Variants in LAIR2 observed in about 807,000 individuals in gnomAD.
The protein encoded by LAIR2 is leukocyte-associated immunoglobulin-like receptor 2.
In LAIR2, 14 loss-of-function variants were observed where a neutral mutation model predicts 14.8. The observed-to-expected ratio is 0.95, with a 90% CI of 0.62 to 1.48. The LOEUF is 1.48. Among genes scored for constraint, LAIR2 ranks in the 40% most tolerant of loss-of-function variants. The probability of loss-of-function intolerance (pLI) is 0.00; values close to 1 mark genes in which losing one functional copy is unlikely to be tolerated. For missense variants in LAIR2, 172 were observed against 180.9 expected, an observed-to-expected ratio of 0.95 and a Z score of 0.28; for synonymous variants, 75 against 74.5, an observed-to-expected ratio of 1.01 and a Z score of -0.03.
intron 2 of LAIR2, among the ~76,000 whole-genome samples, chr19:54,507,118 G>A (rs1402263170): frequency 1.3e-5 from 2 of 151,078 alleles, no homozygotes; most frequent in Non-Finnish European, 1.5e-5. Flanking sequence ...TCTCTGCCCC[G>A]CTCAGGGATT....
Position 54,504,624 on chromosome 19 carries a change from T to C in LAIR2, c.70+889T>C, listed in dbSNP as rs544454369. On this transcript the variant is annotated intron_variant, in intron 2 of 4. Transcript: ENST00000301202. ...ATGACCTTTTTTGTTTGTTTGTTTG[T>C]TTTGGGATGGAGTCTCACTCTGTCA... Among the ~76,000 whole-genome samples the C allele has an allele frequency of 2.0e-5, 3 of 152,248 alleles. No individual in the cohort carries two copies. In the East Asian group the frequency reaches 5.8e-4, roughly 29 times the overall value.
intron 2 of LAIR2, among the ~76,000 whole-genome samples, chr19:54,507,175 C>A (rs1195896019): frequency 5.3e-5 from 8 of 151,150 alleles, no homozygotes; most frequent in East Asian, 1.9e-4. Flanking sequence ...TCAAACCCGC[C>A]CTTCCTCCTC....
chr19:54,504,519 T>C (rs868001082), intron 2 of LAIR2, among the ~76,000 whole-genome samples: 1 of 152,166 alleles, frequency 6.6e-6, no homozygotes, highest in Non-Finnish European at 1.5e-5. Flanking sequence ...ACCGAAACTT[T>C]GTACCATTTG....
intron 2 of LAIR2, 43 bp downstream of exon 2, chr19:54,503,778 C>G: frequency 6.2e-7 from 1 of 1,613,792 alleles, no homozygotes; most frequent in Non-Finnish European, 8.5e-7. Flanking sequence ...CCCTCTGTCA[C>G]CCCAAAGGCA....
At chr19:54,504,673 A>C (rs756595455) in intron 2 of LAIR2, among the ~76,000 whole-genome samples, 11 of 151,968 alleles carry the variant, frequency 7.2e-5, no homozygotes, top group Non-Finnish European at 1.6e-4. Flanking sequence ...GCAATGGCAC[A>C]ATCTCGGTTC....
In LAIR2 at chr19:54,503,732, G is replaced by A. The variant is rs1202609800; in HGVS notation, c.67G>A (p.Glu23Lys). The A allele has an allele frequency of 1.2e-6, 2 of 1,613,930 alleles. No homozygotes were observed. The highest frequency in any genetic ancestry group is 1.7e-6 in the Non-Finnish European group (2 of 1,180,026). The change falls in exon 2 of 5, where the codon GAG becomes AAG. Residue 23 changes from glutamate (E) to lysine (K), a missense_variant. Transcript: ENST00000301202. ...LCLAQTIHTQEGALPRPSISA... is the reference protein window; with the variant it reads ...LCLAQTIHTQKGALPRPSISA... Reference sequence around the variant, plus strand: ...CCTGGCCCAGACCATCCACACGCAGGAGGGTAAGTCATGCCTTCGTCCCGT... The same window carrying A: ...CCTGGCCCAGACCATCCACACGCAGAAGGGTAAGTCATGCCTTCGTCCCGT...
chr19:54,506,600 C>T (rs1332356493), intron 2 of LAIR2, among the ~76,000 whole-genome samples: 3 of 152,150 alleles, frequency 2.0e-5, no homozygotes, highest in Non-Finnish European at 2.9e-5. Context: ...TATTGCAGTT[C>T]GCAGCTGCAG....
chr19:54,508,283 GC>G, intron 3 of LAIR2, 99 bp downstream of exon 3: 1 of 1,226,240 alleles, frequency 8.2e-7, no homozygotes, highest in Non-Finnish European at 1.1e-6. Context: ...TCTCTCTGTG[GC>G]CACCGTTGCC....
intron 1 of LAIR2, 134 bp downstream of exon 1, chr19:54,503,086 C>T (rs2085304488): frequency 1.2e-6 from 1 of 833,084 alleles, no homozygotes; most frequent in Non-Finnish European, 2.0e-6. Context: ...TGCCCTACTG[C>T]TCTCCCTGGG....
intron 2 of LAIR2, among the ~76,000 whole-genome samples, chr19:54,504,073 C>T (rs1322260405): frequency 6.6e-6 from 1 of 151,944 alleles, no homozygotes; most frequent in Non-Finnish European, 1.5e-5. Flanking sequence ...TCTCCTGCCT[C>T]GGCCTCCTGA....
chr19:54,507,475 G>A (rs1239323496), intron 2 of LAIR2, among the ~76,000 whole-genome samples: 4 of 152,092 alleles, frequency 2.6e-5, no homozygotes, highest in East Asian at 3.9e-4. Context: ...GCCCCAGCAC[G>A]AGCCATCTCC....
In LAIR2 at chr19:54,508,153, G is replaced by T; in HGVS notation, c.333G>T (p.Glu111Asp). Reference sequence around the variant, plus strand: ...ATTATAAGCCCCCTGGATGGTCTGAGCACAGTGACTTCCTGGAGCTGCTGG... The same window carrying T: ...ATTATAAGCCCCCTGGATGGTCTGATCACAGTGACTTCCTGGAGCTGCTGG... The part of the protein sequence containing the change: ...CLYYKPPGWS[E>D]HSDFLELLVK... The change falls in exon 3 of 5, where the codon GAG becomes GAT. Residue 111 changes from glutamate (E) to aspartate (D), a missense_variant. Glu to Asp is a conservative substitution (Grantham distance 45, BLOSUM62 2). Coordinates refer to ENST00000301202, the MANE Select transcript of LAIR2 (RefSeq NM_002288.6). The T allele has an allele frequency of 6.2e-7, 1 of 1,613,572 alleles. No homozygotes were observed.
intron 2 of LAIR2, among the ~76,000 whole-genome samples, chr19:54,503,952 A>ATATTTTATT (rs2085320909): frequency 6.6e-6 from 1 of 151,604 alleles, no homozygotes; most frequent in Non-Finnish European, 1.5e-5. Flanking sequence ...CAAAAATCCT[A>ATATTTTATT]TATTTTATTT....
rs2085317215 is a variant in LAIR2 at position 54,503,743 on chromosome 19, A to G, written c.70+8A>G. ...CCATCCACACGCAGGAGGGTAAGTC[A>G]TGCCTTCGTCCCGTCTTCCCAGTCC... On this transcript the variant is annotated splice_region_variant and intron_variant, in intron 2 of 4. Coordinates refer to ENST00000301202, the MANE Select transcript of LAIR2 (RefSeq NM_002288.6). 5.6e-6 allele frequency: 9 copies of G among 1,613,914 alleles called. No homozygotes were observed. The highest frequency in any genetic ancestry group is 7.6e-6 in the Non-Finnish European group (9 of 1,180,024).
chr19:54,508,590 T>G (rs2085411745), intron 3 of LAIR2, among the ~76,000 whole-genome samples: 1 of 152,244 alleles, frequency 6.6e-6, no homozygotes, highest in Non-Finnish European at 1.5e-5. Context: ...CCAGGCAATG[T>G]GCTTCTCCTG....
intron 2 of LAIR2, among the ~76,000 whole-genome samples, chr19:54,504,511 C>T (rs1019524024): frequency 2.3e-5 from 2 of 85,308 alleles, no homozygotes; most frequent in East Asian, 5.1e-4. Context: ...CCTGTTTAAC[C>T]GAAACTTTGT....
intron 3 of LAIR2, among the ~76,000 whole-genome samples, chr19:54,508,822 G>A (rs2085415218): frequency 6.6e-6 from 1 of 152,284 alleles, no homozygotes; most frequent in Non-Finnish European, 1.5e-5. Flanking sequence ...AGCTTGTGGT[G>A]GGAGGAGCAG....
intron 2 of LAIR2, 98 bp downstream of exon 2, chr19:54,503,833 T>A (rs2085319036): frequency 6.1e-6 from 9 of 1,476,344 alleles, no homozygotes; most frequent in Non-Finnish European, 8.5e-6. Context: ...CCTGGAGAGA[T>A]CCCTTTAAAT....
Position 54,503,747 on chromosome 19 carries a change from C to G in LAIR2, c.70+12C>G. ...CCACACGCAGGAGGGTAAGTCATGC[C>G]TTCGTCCCGTCTTCCCAGTCCCCTC... is the stretch of plus-strand genomic sequence containing the variant. On this transcript the variant is annotated intron_variant, in intron 2 of 4. Transcript: ENST00000301202. 2 of 1,614,058 alleles carry G rather than the reference C, an allele frequency of 1.2e-6. No individual in the cohort carries two copies. Among genetic ancestry groups the G allele is most frequent in the Non-Finnish European group, 1.7e-6 (2 of 1,180,012 alleles).
Sources: allele counts gnomAD v4.1 joint callset (sites outside exome capture counted in the v4.1 genomes callset), GRCh38; gene constraint gnomAD v4.1.1; transcripts MANE v1.5; gene names NCBI Gene and HGNC (gene_info 2026-07-23, HGNC 2026-07-21).